KCNIP4: variants seen among roughly 807,000 people sequenced by gnomAD.
KCNIP4 encodes potassium voltage-gated channel interacting protein 4.
In KCNIP4, 12 loss-of-function variants were observed where a neutral mutation model predicts 34.0. The ratio of observed to expected loss-of-function variants is 0.35; its 90% CI spans 0.23 to 0.57. KCNIP4 has a LOEUF of 0.57. Ranked by LOEUF, KCNIP4 falls within the 20% of genes least tolerant of loss-of-function variation. The probability of loss-of-function intolerance (pLI) is 0.83; values close to 1 mark genes in which losing one functional copy is unlikely to be tolerated. For synonymous variants in KCNIP4, 124 were observed against 102.2 expected, an observed-to-expected ratio of 1.21 and a Z score of -1.29; for missense variants, 238 against 311.7, an observed-to-expected ratio of 0.76 and a Z score of 1.78.
chr4:21,745,339 A>G (rs916737852), intron 1 of KCNIP4, among the ~76,000 whole-genome samples: 1 of 152,174 alleles, frequency 6.6e-6, no homozygotes, highest in Non-Finnish European at 1.5e-5. Context: ...AGAAAGTAGT[A>G]GCTACTCTTT....
At chr4:21,753,901 C>A (rs1717323282) in intron 1 of KCNIP4, among the ~76,000 whole-genome samples, 1 of 152,094 alleles carries the variant, frequency 6.6e-6, no homozygotes, top group Admixed American at 6.6e-5. Context: ...TCAGCTTCTT[C>A]TCTCCATCTA....
chr4:21,502,025 A>T (rs1188049451), intron 1 of KCNIP4, among the ~76,000 whole-genome samples: 1 of 151,806 alleles, frequency 6.6e-6, no homozygotes, highest in Non-Finnish European at 1.5e-5. Flanking sequence ...AAGCACACAC[A>T]CACAATCACC....
In KCNIP4 at chr4:21,872,478, T is replaced by C. The variant is rs1305639391; in HGVS notation, c.61+76093A>G. 2.0e-5 allele frequency among the ~76,000 whole-genome samples: 3 copies of C among 152,160 alleles called. 1 individual carries two copies. The South Asian group carries it at 6.2e-4, about 32-fold the overall frequency. ...GCGTTTTGACGATTGTAGGTATGAA[T>C]AGACTCTTGTTTCATTCCAGGTCGA... On this transcript the variant is annotated intron_variant, in intron 1 of 8. Transcript: ENST00000382152.
intron 1 of KCNIP4, among the ~76,000 whole-genome samples, chr4:21,434,453 A>G (rs1252496526): frequency 6.6e-6 from 1 of 152,112 alleles, no homozygotes; most frequent in Non-Finnish European, 1.5e-5. Flanking sequence ...TAGAAACATT[A>G]GCATCATGTA....
At chr4:21,935,249 T>C (rs1465733504) in intron 1 of KCNIP4, among the ~76,000 whole-genome samples, 4 of 152,130 alleles carry the variant, frequency 2.6e-5, no homozygotes, top group African/African-American at 9.7e-5. Flanking sequence ...TGATGACTTC[T>C]CAATGACCTT....
intron 1 of KCNIP4, chr4:21,843,614 C>A (rs1471801104): frequency 6.6e-6 from 1 of 151,966 alleles, no homozygotes; most frequent in Non-Finnish European, 1.5e-5. Flanking sequence ...GAATCTGAAC[C>A]AACTGGCCCT....
chr4:21,924,621 C>G, intron 1 of KCNIP4, among the ~76,000 whole-genome samples: 1 of 152,138 alleles, frequency 6.6e-6, no homozygotes, highest in East Asian at 1.9e-4. Context: ...AGCTTTTTCT[C>G]TTATCTGCAA....
chr4:20,884,196 T>G (rs1725027741), intron 1 of KCNIP4, among the ~76,000 whole-genome samples: 1 of 152,214 alleles, frequency 6.6e-6, no homozygotes, highest in Admixed American at 6.5e-5. Context: ...ATTTCCTAGA[T>G]TAGTATCTAA....
At chr4:21,220,995 A>G (rs1366682533) in intron 1 of KCNIP4, among the ~76,000 whole-genome samples, 4 of 152,222 alleles carry the variant, frequency 2.6e-5, no homozygotes, top group Admixed American at 6.5e-5. Flanking sequence ...GGTTGGAACC[A>G]GCAATAAAGA....
chr4:20,835,765 C>T (rs922462652), intron 3 of KCNIP4, among the ~76,000 whole-genome samples: 7 of 152,060 alleles, frequency 4.6e-5, no homozygotes, highest in African/African-American at 1.7e-4. Context: ...CCCCCAATCT[C>T]ACTCAACAAT....
intron 1 of KCNIP4, among the ~76,000 whole-genome samples, chr4:21,920,545 A>G (rs1243611240): frequency 1.3e-5 from 2 of 152,130 alleles, no homozygotes; most frequent in African/African-American, 4.8e-5. Context: ...GAGCACACTG[A>G]AGTCTCAGAA....
chr4:21,225,933 C>A lies in KCNIP4; in HGVS notation c.62-343224G>T, dbSNP rs190567678. ...ATACTTATTATCAAGTCTCTTCCCC[C>A]TGCTCATGCAAAAAGCTTCAACAAT... is the stretch of plus-strand genomic sequence containing the variant. On this transcript the variant is annotated intron_variant, in intron 1 of 8. Coordinates refer to ENST00000382152, the MANE Select transcript of KCNIP4 (RefSeq NM_025221.6). 1.8e-3 allele frequency among the ~76,000 whole-genome samples: 275 copies of A among 152,124 alleles called. 1 individual carries two copies. The highest frequency in any genetic ancestry group is 3.5e-3 in the Non-Finnish European group (236 of 67,986).
intron 1 of KCNIP4, among the ~76,000 whole-genome samples, chr4:21,042,408 A>G (rs1227290470): frequency 6.6e-6 from 1 of 152,232 alleles, no homozygotes; most frequent in Non-Finnish European, 1.5e-5. Context: ...CCTGGGGAGC[A>G]TTAGGTTAAG....
chr4:21,919,846 C>T (rs1728841137), intron 1 of KCNIP4, among the ~76,000 whole-genome samples: 1 of 152,160 alleles, frequency 6.6e-6, no homozygotes, highest in African/African-American at 2.4e-5. Flanking sequence ...AAAAAACTCA[C>T]ATGCTGCAGA....
intron 1 of KCNIP4, among the ~76,000 whole-genome samples, chr4:21,218,895 G>A (rs1577906515): frequency 6.6e-6 from 1 of 152,268 alleles, no homozygotes; most frequent in East Asian, 1.9e-4. Context: ...CCTAAAGCAT[G>A]TGGGTGTTTG....
rs548252863 is a variant in KCNIP4 at position 21,423,974 on chromosome 4, A to ATT, written c.61+524595_61+524596dup. 2.4e-3 allele frequency among the ~76,000 whole-genome samples: 344 copies of ATT among 144,956 alleles called. 2 individuals are homozygous for ATT. The highest frequency in any genetic ancestry group is 3.6e-3 in the Non-Finnish European group (235 of 65,882). On this transcript the variant is annotated intron_variant, in intron 1 of 8. Transcript: ENST00000382152. ...AGGCGCGCGCCACCATGCCCGGCCAATTTTTTTTTTTTCTTTTTGTATTTT... is the reference window on the plus strand; with the variant it reads ...AGGCGCGCGCCACCATGCCCGGCCAATTTTTTTTTTTTTTCTTTTTGTATTTT...
chr4:21,231,465 T>C (rs889036239), intron 1 of KCNIP4, among the ~76,000 whole-genome samples: 2 of 152,162 alleles, frequency 1.3e-5, no homozygotes, highest in African/African-American at 4.8e-5. Flanking sequence ...CGTTACTTTT[T>C]TATGGAAAAT....
rs573825473 is a variant in KCNIP4, at chr4:20,889,775, A to AAC, written c.62-7067_62-7066insGT. On this transcript the variant is annotated intron_variant, in intron 1 of 8. Transcript: ENST00000382152. Reference sequence around the variant, plus strand: ...AATAAAAACTGGAAGTTCAAAAAAAAAAAAAAACAAAATTAAGTCAACTCC... The same window carrying AAC: ...AATAAAAACTGGAAGTTCAAAAAAAAACAAAAAAACAAAATTAAGTCAACTCC... 2.0e-4 allele frequency among the ~76,000 whole-genome samples: 31 copies of AAC among 151,780 alleles called. No homozygotes were observed. The East Asian group carries it at 4.6e-3, about 23-fold the overall frequency.
At chr4:20,828,733 T>C (rs1560496117) in intron 3 of KCNIP4, among the ~76,000 whole-genome samples, 2 of 152,210 alleles carry the variant, frequency 1.3e-5, no homozygotes, top group Admixed American at 6.5e-5. Flanking sequence ...CTTATGCACA[T>C]TGTTTGTTGA....
Sources: gnomAD v4.1 joint callset for allele counts (sites outside exome capture counted in the v4.1 genomes callset) on GRCh38, gnomAD v4.1.1 for gene constraint, MANE v1.5 for transcripts, NCBI Gene and HGNC (gene_info 2026-07-23, HGNC 2026-07-21) for gene names.